The following DZANK1 variants were observed in gnomAD, a reference collection of about 807,000 sequenced individuals.
DZANK1 encodes double zinc ribbon and ankyrin repeat-containing protein 1.
In DZANK1, 91 loss-of-function variants were observed where a neutral mutation model predicts 94.5. That is an observed-to-expected ratio of 0.96 (90% CI 0.81 to 1.15). The LOEUF is 1.15. Among genes scored for constraint, DZANK1 ranks in the 50% most tolerant of loss-of-function variants. DZANK1 has a pLI of 0.00. For missense variants in DZANK1, 903 were observed against 916.4 expected, an observed-to-expected ratio of 0.99 and a Z score of 0.19; for synonymous variants, 312 against 325.3, an observed-to-expected ratio of 0.96 and a Z score of 0.44.
At position 18,384,581 on chromosome 20, in the gene DZANK1, G is replaced by A; in HGVS notation, c.2094-17C>T. The A allele has an allele frequency of 6.3e-7, 1 of 1,582,322 alleles. No individual in the cohort carries two copies. The highest frequency in any genetic ancestry group is 1.3e-5 in the African/African-American group (1 of 74,530). Reference sequence around the variant, plus strand: ...GCATTGCATCTGCAAAGGAAATGGAGAAACGGAGGTGCACTGAAGGACTTG... The same window carrying A: ...GCATTGCATCTGCAAAGGAAATGGAAAAACGGAGGTGCACTGAAGGACTTG... On this transcript the variant is annotated splice_polypyrimidine_tract_variant and intron_variant, in intron 20 of 20. Transcript: ENST00000262547.
At position 18,414,260 on chromosome 20, in the gene DZANK1, C is replaced by T. The variant is rs987614841; in HGVS notation, c.1242+88G>A. The T allele has an allele frequency of 5.8e-5, 86 of 1,484,696 alleles. No homozygotes were observed. The East Asian group carries it at 1.8e-3, about 31-fold the overall frequency. 92.0% of individuals were successfully genotyped at this position (1,484,696 alleles called of 1,614,324 possible). On this transcript the variant is annotated intron_variant, in intron 12 of 20. Transcript: ENST00000262547. ...AAGTTCTAAAAGTTTTGGGTCTCTT[C>T]CCCGGGTTGATTCACAGGGTGGAGC...
chr20:18,383,895 G>A (rs899352935), exon 21 of DZANK1: 1 of 152,136 alleles, frequency 6.6e-6, no homozygotes, highest in Non-Finnish European at 1.5e-5. Flanking sequence ...CATACATTCA[G>A]TTTATCACAG....
intron 7 of DZANK1, among the ~76,000 whole-genome samples, chr20:18,444,946 GC>G (rs1482609067): frequency 6.6e-6 from 1 of 151,620 alleles, no homozygotes; most frequent in Non-Finnish European, 1.5e-5. Context: ...GACTACAGGT[GC>G]CTGCCACCAA....
At chr20:18,449,109 G>A in intron 6 of DZANK1, 40 bp from the exon 7 acceptor site, 1 of 1,520,614 alleles carries the variant, frequency 6.6e-7, no homozygotes, top group Non-Finnish European at 9.1e-7. Context: ...GAGTCATATA[G>A]TCAAAATAAC....
intron 12 of DZANK1, 173 bp from the exon 13 acceptor site, chr20:18,413,026 G>T: frequency 1.5e-6 from 1 of 646,684 alleles, no homozygotes; most frequent in Non-Finnish European, 2.6e-6. Context: ...GTCTTTCTCA[G>T]CAACTTCCAG....
intron 10 of DZANK1, among the ~76,000 whole-genome samples, chr20:18,417,505 G>A (rs2057547143): frequency 6.6e-6 from 1 of 151,898 alleles, no homozygotes. Context: ...AAATTATAGA[G>A]TGTCATTTTA....
At chr20:18,386,375 A>C (rs1033172045) in intron 19 of DZANK1, among the ~76,000 whole-genome samples, 1 of 152,214 alleles carries the variant, frequency 6.6e-6, no homozygotes, top group Non-Finnish European at 1.5e-5. Flanking sequence ...AGGTTCACAG[A>C]CATCTGAGAA....
At chr20:18,457,799 G>A (rs189021786) in intron 3 of DZANK1, among the ~76,000 whole-genome samples, 101 of 152,232 alleles carry the variant, frequency 6.6e-4, no homozygotes, top group African/African-American at 2.4e-3. Flanking sequence ...TAGCTGCAAC[G>A]GGGATTGGGA....
At chr20:18,388,616 G>A (rs1016578921) in intron 19 of DZANK1, among the ~76,000 whole-genome samples, 1 of 152,092 alleles carries the variant, frequency 6.6e-6, no homozygotes, top group Admixed American at 6.5e-5. Flanking sequence ...TATTAATAAT[G>A]ACAATAATAC....
intron 3 of DZANK1, among the ~76,000 whole-genome samples, chr20:18,455,631 C>T (rs2059260357): frequency 6.6e-6 from 1 of 152,214 alleles, no homozygotes; most frequent in African/African-American, 2.4e-5. Context: ...CTCATTTGAG[C>T]TCTTCCATGT....
intron 1 of DZANK1, among the ~76,000 whole-genome samples, chr20:18,466,436 G>C (rs2059656782): frequency 6.6e-6 from 1 of 152,072 alleles, no homozygotes; most frequent in African/African-American, 2.4e-5. Context: ...AAATTTAAGG[G>C]GTGAACTTAA....
At chr20:18,460,004 C>T (rs748981594) in intron 3 of DZANK1, 149 bp downstream of exon 3, 2 of 579,664 alleles carry the variant, frequency 3.5e-6, no homozygotes, top group South Asian at 1.0e-4. Flanking sequence ...AAGTAAAACA[C>T]AAATGTTACA....
At chr20:18,447,335 C>T (rs535891837) in intron 7 of DZANK1, among the ~76,000 whole-genome samples, 310 of 152,004 alleles carry the variant, frequency 2.0e-3, no homozygotes, top group Non-Finnish European at 3.6e-3. Flanking sequence ...AAAAATTAGC[C>T]GGGCATAGTG....
chr20:18,398,576 C>G, exon 14 of DZANK1: 1 of 1,613,990 alleles, frequency 6.2e-7, no homozygotes, highest in South Asian at 1.1e-5. Context: ...TTGTTCTGAG[C>G]ATAACACCTG....
intron 8 of DZANK1, among the ~76,000 whole-genome samples, chr20:18,436,838 C>A (rs79446803): frequency 0.025 from 3,794 of 152,146 alleles, 157 homozygotes; most frequent in African/African-American, 0.086. Context: ...AGAGAAAAAA[C>A]CACGCATCAA....
intron 13 of DZANK1, among the ~76,000 whole-genome samples, chr20:18,410,758 C>T (rs866863804): frequency 7.2e-5 from 11 of 152,148 alleles, no homozygotes; most frequent in African/African-American, 2.7e-4. Flanking sequence ...ACCGGCAACA[C>T]TGGCAACACA....
At chr20:18,455,146 T>C in intron 4 of DZANK1, 101 bp downstream of exon 4, 1 of 791,940 alleles carries the variant, frequency 1.3e-6, no homozygotes, top group South Asian at 1.7e-5. Flanking sequence ...AGGACCTGAC[T>C]GTGAGCAGAG....
intron 13 of DZANK1, among the ~76,000 whole-genome samples, chr20:18,407,178 G>A (rs1035705187): frequency 1.3e-5 from 2 of 152,170 alleles, no homozygotes; most frequent in African/African-American, 4.8e-5. Context: ...CTGGCTTCAG[G>A]TATGACCCAA....
intron 2 of DZANK1, among the ~76,000 whole-genome samples, chr20:18,461,307 A>T (rs1338988290): frequency 1.3e-5 from 2 of 152,120 alleles, no homozygotes; most frequent in African/African-American, 4.8e-5. Flanking sequence ...AGTATGTCTT[A>T]TATTGGTACA....
Sources: allele counts gnomAD v4.1 joint callset (sites outside exome capture counted in the v4.1 genomes callset), GRCh38; gene constraint gnomAD v4.1.1; transcripts MANE v1.5; gene names NCBI Gene and HGNC (gene_info 2026-07-23, HGNC 2026-07-21).